Variants in PPP2R2B observed in about 807,000 individuals in gnomAD.
PPP2R2B encodes the protein protein phosphatase 2 regulatory subunit Bbeta.
A neutral mutation model predicts 46.0 loss-of-function variants in PPP2R2B; 5 were observed. The observed-to-expected ratio is 0.11, with a 90% CI of 0.06 to 0.23. The LOEUF (loss-of-function observed/expected upper bound fraction) is 0.23, where lower values mean the gene tolerates loss of function less well. Among genes scored for constraint, PPP2R2B ranks in the 10% least tolerant of loss-of-function variants. The pLI is 1.00. For missense variants in PPP2R2B, 367 were observed against 575.0 expected, an observed-to-expected ratio of 0.64 and a Z score of 3.70; for synonymous variants, 215 against 206.7, an observed-to-expected ratio of 1.04 and a Z score of -0.34.
At chr5:146,995,887 C>T (rs1753901276) in intron 1 of PPP2R2B, among the ~76,000 whole-genome samples, 1 of 152,130 alleles carries the variant, frequency 6.6e-6, no homozygotes, top group African/African-American at 2.4e-5. Context: ...TGTGCCAGAA[C>T]TTCATAAGGT....
chr5:146,711,233 C>G (rs915737624), intron 2 of PPP2R2B, among the ~76,000 whole-genome samples: 1 of 151,638 alleles, frequency 6.6e-6, no homozygotes, highest in Non-Finnish European at 1.5e-5. Context: ...GCTTCTCAAT[C>G]TTTTTTTTTC....
chr5:146,952,709 A>G (rs1382274860), intron 1 of PPP2R2B, among the ~76,000 whole-genome samples: 1 of 152,138 alleles, frequency 6.6e-6, no homozygotes, highest in Non-Finnish European at 1.5e-5. Flanking sequence ...GTTATAAGAA[A>G]GGCAGTAACA....
chr5:146,970,052 G>A (rs1752596565), intron 1 of PPP2R2B, among the ~76,000 whole-genome samples: 1 of 152,118 alleles, frequency 6.6e-6, no homozygotes, highest in African/African-American at 2.4e-5. Context: ...AAGTTTCTGG[G>A]CCATTTACTC....
intron 2 of PPP2R2B, among the ~76,000 whole-genome samples, chr5:146,842,836 G>A (rs1426404214): frequency 6.6e-6 from 1 of 152,234 alleles, no homozygotes; most frequent in Non-Finnish European, 1.5e-5. Flanking sequence ...GTCTCTGACA[G>A]TCTCAGTTAG....
At chr5:147,032,959 G>T (rs544684495) in intron 1 of PPP2R2B, among the ~76,000 whole-genome samples, 1 of 152,040 alleles carries the variant, frequency 6.6e-6, no homozygotes, top group African/African-American at 2.4e-5. Context: ...TTCCATAGTG[G>T]CTGTACTAGT....
At chr5:147,037,708 G>A (rs1057457630) in intron 1 of PPP2R2B, among the ~76,000 whole-genome samples, 2 of 152,072 alleles carry the variant, frequency 1.3e-5, no homozygotes, top group Admixed American at 1.3e-4. Context: ...GGAGGGATGA[G>A]TCAGACTGGG....
intron 2 of PPP2R2B, among the ~76,000 whole-genome samples, chr5:146,720,882 G>A (rs983948837): frequency 6.6e-6 from 1 of 152,100 alleles, no homozygotes; most frequent in Non-Finnish European, 1.5e-5. Flanking sequence ...GAAAAATACT[G>A]CTTTATACAT....
chr5:146,879,932 T>C (rs531523185), upstream of PPP2R2B, among the ~76,000 whole-genome samples: 11 of 152,200 alleles, frequency 7.2e-5, no homozygotes, highest in South Asian at 2.1e-4. Context: ...CAAGTTTAGC[T>C]AGATGGGCCC....
intron 1 of PPP2R2B, among the ~76,000 whole-genome samples, chr5:147,051,043 A>G (rs1756788633): frequency 6.6e-6 from 1 of 152,178 alleles, no homozygotes; most frequent in Non-Finnish European, 1.5e-5. Flanking sequence ...CCGGGATGCC[A>G]AGACTGAAGA....
intron 5 of PPP2R2B, among the ~76,000 whole-genome samples, chr5:146,686,876 C>T (rs1044417313): frequency 2.6e-5 from 4 of 152,098 alleles, no homozygotes; most frequent in African/African-American, 9.7e-5. Flanking sequence ...AGAAAGAGCT[C>T]TAAGGGTCTG....
chr5:146,939,298 G>A (rs1764250684), intron 1 of PPP2R2B, among the ~76,000 whole-genome samples: 1 of 152,108 alleles, frequency 6.6e-6, no homozygotes, highest in African/African-American at 2.4e-5. Context: ...CTACCTCAGG[G>A]TACCAGAGGG....
chr5:146,665,899 C>T (rs1776953776), intron 5 of PPP2R2B, among the ~76,000 whole-genome samples: 1 of 152,164 alleles, frequency 6.6e-6, no homozygotes, highest in African/African-American at 2.4e-5. Flanking sequence ...ATGAAATGAG[C>T]ACATGCTGCT....
intron 2 of PPP2R2B, among the ~76,000 whole-genome samples, chr5:146,832,379 CTTTTTTTTTTTTTTTT>C (rs34269274): frequency 1.4e-5 from 1 of 70,194 alleles, no homozygotes; most frequent in East Asian, 4.6e-4. Context: ...CATTTTTAAT[CTTTTTTTTTTTTTTTT>C]TTTTTTTTTT....
Position 146,691,140 on chromosome 5 carries a change from G to T in PPP2R2B, c.435C>A (p.Ile145=). The T allele has an allele frequency of 6.2e-7, 1 of 1,614,036 alleles. No homozygotes were observed. The highest frequency in any genetic ancestry group is 2.2e-5 in the East Asian group (1 of 44,888). The change falls in exon 5 of 10, where the codon ATC becomes ATA. Residue 145 remains isoleucine (I), a synonymous_variant. Transcript: ENST00000394411. ...TGTTTGCACTCACCCGCAGGGTTGT[G>T]ATGGTGGCAGGATCCCGGAGCCGGC... ...EEGRLRDPAT[I]TTLRVPVLRP... is the part of the protein sequence containing the mutation.
At chr5:146,843,386 A>T (rs1304459174) in intron 2 of PPP2R2B, among the ~76,000 whole-genome samples, 1 of 152,178 alleles carries the variant, frequency 6.6e-6, no homozygotes, top group Non-Finnish European at 1.5e-5. Context: ...TATAATATAA[A>T]ACAACTCCAC....
At chr5:146,948,560 T>C (rs970672789) in intron 1 of PPP2R2B, among the ~76,000 whole-genome samples, 1 of 150,316 alleles carries the variant, frequency 6.7e-6, no homozygotes, top group African/African-American at 2.5e-5. Flanking sequence ...TTAAGTCTTA[T>C]ATATTAAGTA....
At chr5:146,963,849 T>C (rs1425653194) in intron 1 of PPP2R2B, among the ~76,000 whole-genome samples, 2 of 152,216 alleles carry the variant, frequency 1.3e-5, no homozygotes, top group African/African-American at 2.4e-5. Context: ...ACTCTTACTA[T>C]CTGTGCTAAT....
intron 2 of PPP2R2B, among the ~76,000 whole-genome samples, chr5:146,729,052 T>C (rs1047803250): frequency 6.6e-6 from 1 of 152,000 alleles, no homozygotes; most frequent in Admixed American, 6.6e-5. Flanking sequence ...GAAAGGAAAA[T>C]GTGGGAAAGT....
chr5:147,027,450 T>A (rs936491602), intron 1 of PPP2R2B, among the ~76,000 whole-genome samples: 2 of 152,002 alleles, frequency 1.3e-5, no homozygotes, highest in Admixed American at 6.6e-5. Context: ...CTGGCCAACA[T>A]GGTGACACCT....
Sources: allele counts gnomAD v4.1 joint callset (sites outside exome capture counted in the v4.1 genomes callset), GRCh38; gene constraint gnomAD v4.1.1; transcripts MANE v1.5; gene names NCBI Gene and HGNC (gene_info 2026-07-23, HGNC 2026-07-21).